The following GPM6A variants were observed in gnomAD, a reference collection of about 807,000 sequenced individuals.
GPM6A encodes the protein glycoprotein M6A.
Under a neutral mutation model 32.1 loss-of-function variants are expected in GPM6A, and 7 were observed. The ratio of observed to expected loss-of-function variants is 0.22; its 90% CI spans 0.12 to 0.41. The LOEUF (loss-of-function observed/expected upper bound fraction) is 0.41. Among genes scored for constraint, GPM6A ranks in the 10% least tolerant of loss-of-function variants. The pLI, the probability that GPM6A is intolerant of heterozygous loss-of-function variation, is 1.00. For synonymous variants in GPM6A, 130 were observed against 123.4 expected (o/e 1.05, Z -0.35); for missense variants, 235 against 347.2 (o/e 0.68, Z 2.57).
At chr4:175,999,212 C>T (rs982475107) in intron 1 of GPM6A, among the ~76,000 whole-genome samples, 19 of 152,138 alleles carry the variant, frequency 1.2e-4, no homozygotes, top group African/African-American at 4.1e-4. Context: ...TCAAGTAGAA[C>T]AGTAAGTGTT....
intron 1 of GPM6A, among the ~76,000 whole-genome samples, chr4:175,724,889 C>T (rs1746326062): frequency 6.6e-6 from 1 of 152,038 alleles, no homozygotes; most frequent in Non-Finnish European, 1.5e-5. Flanking sequence ...ACTCTCTCTC[C>T]CTCACTCTGC....
chr4:175,913,303 G>A lies in GPM6A; in HGVS notation c.-23+89006C>T, dbSNP rs373054844. On this transcript the variant is annotated intron_variant, in intron 1 of 7. Transcript: ENST00000280187. ...TGTCTTCCAAGAATTGTGTCTATGC[G>A]TATATATTCATGTGTTTTAATACTT... Among the ~76,000 whole-genome samples the A allele has an allele frequency of 2.2e-4, 33 of 152,254 alleles. No individual in the cohort carries two copies. The East Asian group carries it at 5.4e-3, about 25-fold the overall frequency.
intron 1 of GPM6A, among the ~76,000 whole-genome samples, chr4:175,860,504 T>C (rs1473432716): frequency 1.3e-5 from 2 of 152,148 alleles, no homozygotes; most frequent in Non-Finnish European, 2.9e-5. Context: ...CAAGGAGACA[T>C]AGGCAATCTG....
At chr4:175,691,264 A>G (rs1315104988) in intron 2 of GPM6A, among the ~76,000 whole-genome samples, 1 of 152,222 alleles carries the variant, frequency 6.6e-6, no homozygotes, top group Non-Finnish European at 1.5e-5. Context: ...ATAGCGAAGA[A>G]GTTTTACATT....
At chr4:175,838,440 G>A (rs1735838615) in intron 1 of GPM6A, among the ~76,000 whole-genome samples, 1 of 150,706 alleles carries the variant, frequency 6.6e-6, no homozygotes, top group Non-Finnish European at 1.5e-5. Flanking sequence ...AATAAGGAAA[G>A]CTGCAACTTT....
intron 1 of GPM6A, among the ~76,000 whole-genome samples, chr4:175,944,908 C>T (rs887763712): frequency 6.6e-6 from 1 of 151,744 alleles, no homozygotes; most frequent in South Asian, 2.1e-4. Context: ...GTTTCAGAGA[C>T]CTCGAATCAT....
At chr4:175,670,895 GCT>G (rs1225324893) in intron 3 of GPM6A, among the ~76,000 whole-genome samples, 1 of 120,778 alleles carries the variant, frequency 8.3e-6, no homozygotes, top group African/African-American at 3.1e-5. Context: ...ACAAAGTCTT[GCT>G]CTGTCGCCCA....
chr4:175,990,450 A>G (rs1314337071), intron 1 of GPM6A, among the ~76,000 whole-genome samples: 1 of 152,156 alleles, frequency 6.6e-6, no homozygotes, highest in African/African-American at 2.4e-5. Context: ...TCCTGTGTGC[A>G]AGTTTTTATC....
At chr4:175,776,367 A>C (rs1292989089) in intron 1 of GPM6A, among the ~76,000 whole-genome samples, 5 of 152,272 alleles carry the variant, frequency 3.3e-5, no homozygotes, top group Admixed American at 2.6e-4. Flanking sequence ...CTTGGCTTCC[A>C]AACAAAGGCC....
intron 1 of GPM6A, among the ~76,000 whole-genome samples, chr4:175,998,073 C>T (rs1427089194): frequency 2.0e-5 from 3 of 151,984 alleles, no homozygotes. Flanking sequence ...CCTTTTTGTT[C>T]CTGTGTTCTG....
intron 1 of GPM6A, among the ~76,000 whole-genome samples, chr4:176,000,949 C>T (rs925129496): frequency 6.6e-6 from 1 of 152,154 alleles, no homozygotes; most frequent in African/African-American, 2.4e-5. Flanking sequence ...TTCTTAAGAC[C>T]ATTTCCAACA....
intron 1 of GPM6A, among the ~76,000 whole-genome samples, chr4:175,810,115 TA>T (rs1734857653): frequency 6.6e-6 from 1 of 152,204 alleles, no homozygotes; most frequent in South Asian, 2.1e-4. Context: ...TCTCTCCACC[TA>T]AACTCTTGAA....
At chr4:175,643,091 A>G (rs1012068130) in intron 4 of GPM6A, among the ~76,000 whole-genome samples, 10 of 152,118 alleles carry the variant, frequency 6.6e-5, no homozygotes. Context: ...AAATACATCC[A>G]TAATCAGACC....
chr4:175,865,630 C>T (rs1348908997), intron 1 of GPM6A, among the ~76,000 whole-genome samples: 1 of 152,122 alleles, frequency 6.6e-6, no homozygotes, highest in Non-Finnish European at 1.5e-5. Flanking sequence ...TTTCTACATG[C>T]ACATCTTAAA....
chr4:175,637,826 T>C (rs1157900445), intron 6 of GPM6A, among the ~76,000 whole-genome samples: 39 of 117,330 alleles, frequency 3.3e-4, no homozygotes, highest in Non-Finnish European at 5.9e-4. Context: ...ATATTATATA[T>C]AAAAATATAT....
At chr4:175,653,585 A>C (rs979577879) in intron 3 of GPM6A, among the ~76,000 whole-genome samples, 3 of 152,176 alleles carry the variant, frequency 2.0e-5, no homozygotes, top group Non-Finnish European at 4.4e-5. Context: ...CACCGAAGGA[A>C]GGAGAGTAAC....
chr4:175,809,270 G>A (rs1465534795), intron 1 of GPM6A, among the ~76,000 whole-genome samples: 1 of 152,094 alleles, frequency 6.6e-6, no homozygotes, highest in Non-Finnish European at 1.5e-5. Flanking sequence ...GTAGTAACTG[G>A]GGTCCTTGTT....
intron 1 of GPM6A, among the ~76,000 whole-genome samples, chr4:175,810,210 T>C (rs1232561078): frequency 6.6e-6 from 1 of 152,174 alleles, no homozygotes; most frequent in East Asian, 1.9e-4. Flanking sequence ...CGACAGAGCA[T>C]TTCGATTCAA....
At chr4:175,961,232 C>T (rs1308831910) in intron 1 of GPM6A, 1 of 152,162 alleles carries the variant, frequency 6.6e-6, no homozygotes, top group African/African-American at 2.4e-5. Context: ...GCTTACAAAA[C>T]TCACCTTTAG....
Sources: gnomAD v4.1 joint callset for allele counts (sites outside exome capture counted in the v4.1 genomes callset) on GRCh38, gnomAD v4.1.1 for gene constraint, MANE v1.5 for transcripts, NCBI Gene and HGNC (gene_info 2026-07-23, HGNC 2026-07-21) for gene names.